The following ANK3 variants were observed in gnomAD, a reference collection of about 807,000 sequenced individuals.
ANK3 encodes the protein ankyrin 3.
Under a neutral mutation model 370.9 loss-of-function variants are expected in ANK3, and 57 were observed. That is an observed-to-expected ratio of 0.15 (90% CI 0.12 to 0.19). The LOEUF (loss-of-function observed/expected upper bound fraction) is 0.19. Among genes scored for constraint, ANK3 ranks in the 10% least tolerant of loss-of-function variants. ANK3 has a pLI of 1.00. For missense variants in ANK3, 4,439 were observed against 5,302.1 expected (o/e 0.84, Z 5.06); for synonymous variants, 1,929 against 1,946.3 (o/e 0.99, Z 0.23).
At chr10:60,559,780 G>A (rs1392893333) in intron 2 of ANK3, among the ~76,000 whole-genome samples, 1 of 152,076 alleles carries the variant, frequency 6.6e-6, no homozygotes, top group Non-Finnish European at 1.5e-5. Context: ...CAGACAAAAG[G>A]CATATATTGA....
chr10:60,129,823 C>T (rs1001553415), intron 25 of ANK3, among the ~76,000 whole-genome samples: 1 of 152,076 alleles, frequency 6.6e-6, no homozygotes, highest in South Asian at 2.1e-4. Context: ...TGGATTGAGC[C>T]ATTGCTTTAA....
chr10:60,112,914 T>G (rs1450115143), intron 26 of ANK3, among the ~76,000 whole-genome samples: 2 of 152,250 alleles, frequency 1.3e-5, no homozygotes, highest in Admixed American at 1.3e-4. Flanking sequence ...AATTAACTTA[T>G]GGCCTAAATG....
intron 1 of ANK3, among the ~76,000 whole-genome samples, chr10:60,289,448 C>T (rs373356362): frequency 4.6e-5 from 7 of 151,702 alleles, no homozygotes; most frequent in Non-Finnish European, 8.8e-5. Flanking sequence ...GTCTCACTCT[C>T]GCACCCAGGC....
At chr10:60,100,600 A>G (rs1008688772) in intron 28 of ANK3, among the ~76,000 whole-genome samples, 1 of 152,204 alleles carries the variant, frequency 6.6e-6, no homozygotes, top group Non-Finnish European at 1.5e-5. Context: ...TAACTATTCA[A>G]TCTAAAATGT....
At chr10:60,197,089 C>T (rs566335830) in intron 14 of ANK3, among the ~76,000 whole-genome samples, 2 of 152,134 alleles carry the variant, frequency 1.3e-5, no homozygotes, top group Non-Finnish European at 2.9e-5. Flanking sequence ...TCTCACATCA[C>T]CAGACCAGCC....
chr10:60,341,274 T>C (rs1187776385), intron 1 of ANK3, among the ~76,000 whole-genome samples: 1 of 152,194 alleles, frequency 6.6e-6, no homozygotes, highest in Non-Finnish European at 1.5e-5. Context: ...AAATCTGTTC[T>C]TCTGGTGATT....
Position 60,064,306 on chromosome 10 carries a change from A to G in ANK3, c.12320-18T>C, listed in dbSNP as rs1421652729. 8.4e-6 allele frequency: 13 copies of G among 1,554,738 alleles called. No homozygotes were observed. Among genetic ancestry groups the G allele is most frequent in the Non-Finnish European group, 1.0e-5 (12 of 1,162,792 alleles). On this transcript the variant is annotated intron_variant, in intron 38 of 43. Coordinates refer to ENST00000280772, the MANE Select transcript of ANK3 (RefSeq NM_020987.5). ...TGCCAGTTCTGTAGAAAAGAAAGAG[A>G]GTTACTAAGATTGCATATTCTACTT...
intron 1 of ANK3, among the ~76,000 whole-genome samples, chr10:60,681,951 A>G (rs751652274): frequency 8.5e-5 from 13 of 152,168 alleles, no homozygotes; most frequent in Non-Finnish European, 4.4e-5. Context: ...CAGGAGTTCA[A>G]GACCAGCCTG....
At chr10:60,269,671 A>T (rs2097937713) in intron 5 of ANK3, among the ~76,000 whole-genome samples, 1 of 133,526 alleles carries the variant, frequency 7.5e-6, no homozygotes, top group Non-Finnish European at 1.5e-5. Flanking sequence ...AAAAAGTACC[A>T]TAGTTTTATT....
chr10:60,682,196 C>T (rs533374969), intron 1 of ANK3, among the ~76,000 whole-genome samples: 7 of 152,160 alleles, frequency 4.6e-5, no homozygotes, highest in Admixed American at 3.3e-4. Context: ...AATGAGAAAA[C>T]GGAGGCTTAG....
At chr10:60,051,664 CTTT>C (rs35764181) in intron 42 of ANK3, 533 of 151,488 alleles carry the variant, frequency 3.5e-3, no homozygotes, top group Middle Eastern at 7.2e-3. Flanking sequence ...ATGTTTTCTT[CTTT>C]TTTTTTTTTT....
Position 60,074,335 on chromosome 10 carries a change from A to G in ANK3, c.6546T>C (p.Asp2182=). ...GCTCCTCTGGTTGGGTCTGGGGAAC[A>G]TCCCCAGCTGAGGGATCATAGCTCC... ...VIRSYDPSAG[D]VPQTQPEEPV... Residue 2182 remains aspartate, a synonymous_variant, in exon 37 of 44, where the codon GAT becomes GAC. Transcript: ENST00000280772. 1 of 1,614,002 alleles carries G rather than the reference A, an allele frequency of 6.2e-7. No individual in the cohort carries two copies. The highest frequency in any genetic ancestry group is 8.5e-7 in the Non-Finnish European group (1 of 1,179,976).
chr10:60,218,979 T>C (rs924729581), intron 8 of ANK3, among the ~76,000 whole-genome samples: 39 of 151,984 alleles, frequency 2.6e-4, no homozygotes, highest in African/African-American at 9.4e-4. Context: ...GTTCATTCCT[T>C]TTCATTCCTT....
chr10:60,613,764 A>AC lies in ANK3; in HGVS notation c.96+1421_96+1422insG, dbSNP rs1015894024. 7.3e-5 allele frequency among the ~76,000 whole-genome samples: 10 copies of AC among 137,692 alleles called. No homozygotes were observed. In the South Asian group the frequency reaches 7.9e-4, roughly 11 times the overall value. The allele number at this position is 137,692 out of a possible 152,430, so 90.3% of individuals were successfully genotyped here. ...GTCCTTTCACTGAACAAAAACAAAA[A>AC]AAAAAATCATTTTAGGAAGACAATT... is the stretch of plus-strand genomic sequence containing the variant. On this transcript the variant is annotated intron_variant, in intron 2 of 43. Transcript: ENST00000373827.
At chr10:60,506,349 C>A (rs2075940824) in intron 2 of ANK3, among the ~76,000 whole-genome samples, 1 of 152,042 alleles carries the variant, frequency 6.6e-6, no homozygotes, top group Admixed American at 6.6e-5. Flanking sequence ...CAAAGTGACT[C>A]TAGAAAGCTT....
intron 2 of ANK3, among the ~76,000 whole-genome samples, chr10:60,422,858 G>A (rs2063806293): frequency 6.6e-6 from 1 of 152,028 alleles, no homozygotes; most frequent in African/African-American, 2.4e-5. Context: ...GTTTTAAAAC[G>A]TGAAAATTTT....
At chr10:60,065,180 C>T (rs2081393284) in intron 38 of ANK3, among the ~76,000 whole-genome samples, 2 of 152,108 alleles carry the variant, frequency 1.3e-5, no homozygotes, top group South Asian at 4.1e-4. Flanking sequence ...GCTTTCTGTC[C>T]ATCTACTCGT....
rs2091170852 is a variant in ANK3 at position 60,100,952 on chromosome 10, T to A, written c.3328+4953A>T. Reference sequence around the variant, plus strand: ...ATAAAAATAAACAGGTGAAATTAATTTTTTATTTGTTTTTTAGAGATGGAG... The same window carrying A: ...ATAAAAATAAACAGGTGAAATTAATATTTTATTTGTTTTTTAGAGATGGAG... On this transcript the variant is annotated intron_variant, in intron 28 of 43. Coordinates refer to ENST00000280772, the MANE Select transcript of ANK3 (RefSeq NM_020987.5). 2.6e-5 allele frequency among the ~76,000 whole-genome samples: 4 copies of A among 152,154 alleles called. No homozygotes were observed. The South Asian group carries it at 8.3e-4, about 32-fold the overall frequency.
chr10:60,137,119 A>C (rs936138623), intron 24 of ANK3, among the ~76,000 whole-genome samples: 3 of 152,090 alleles, frequency 2.0e-5, no homozygotes, highest in African/African-American at 7.2e-5. Flanking sequence ...GAAATTCCTT[A>C]AGTATCTGGT....
Sources: allele counts gnomAD v4.1 joint callset (sites outside exome capture counted in the v4.1 genomes callset), GRCh38; gene constraint gnomAD v4.1.1; transcripts MANE v1.5; gene names NCBI Gene and HGNC (gene_info 2026-07-23, HGNC 2026-07-21).